Variants in KIR2DL1 observed in about 807,000 individuals in gnomAD.
The protein encoded by KIR2DL1 is killer cell immunoglobulin like receptor, two Ig domains and long cytoplasmic tail 1.
Under a neutral mutation model 33.9 loss-of-function variants are expected in KIR2DL1, and 38 were observed. That is an observed-to-expected ratio of 1.12 (90% CI 0.86 to 1.47). The LOEUF (loss-of-function observed/expected upper bound fraction) is 1.47, where lower values mean the gene tolerates loss of function less well. Ranked by LOEUF, KIR2DL1 falls within the 40% of genes most tolerant of loss-of-function variation. The pLI, the probability that KIR2DL1 is intolerant of heterozygous loss-of-function variation, is 0.00. For synonymous variants in KIR2DL1, 179 were observed against 165.9 expected (o/e 1.08, Z -0.61); for missense variants, 531 against 433.9 (o/e 1.22, Z -1.99).
intron 2 of KIR2DL1, among the ~76,000 whole-genome samples, chr19:54,772,277 T>C (rs12609943): frequency 0.2 from 28,886 of 145,720 alleles, 4,731 homozygotes; most frequent in Non-Finnish European, 0.29. Flanking sequence ...GGAGTCTCCA[T>C]CAGCTTTGAA....
chr19:54,779,078 G>A (rs1347770923), intron 5 of KIR2DL1, among the ~76,000 whole-genome samples: 1 of 147,236 alleles, frequency 6.8e-6, no homozygotes, highest in South Asian at 2.1e-4. Flanking sequence ...AGCAACCCTG[G>A]CTGACTCCGC....
chr19:54,778,714 A>G, intron 5 of KIR2DL1, 52 bp downstream of exon 5: 1 of 1,431,842 alleles, frequency 7.0e-7, no homozygotes, highest in Non-Finnish European at 9.6e-7. Flanking sequence ...GGAGGTGGGA[A>G]CCTTGGATTC....
At position 54,778,056 on chromosome 19, in the gene KIR2DL1, T is replaced by A. The variant is rs1268388992; in HGVS notation, c.665-556T>A. ...TGGGTGGATCACCTGAGGCCAGGAG[T>A]TCAAGATTAGTCTGGCCAACGTGAT... is the stretch of plus-strand genomic sequence containing the variant. On this transcript the variant is annotated intron_variant, in intron 4 of 7. Transcript: ENST00000336077. 1.4e-5 allele frequency among the ~76,000 whole-genome samples: 2 copies of A among 146,016 alleles called. 1 individual carries two copies. The highest frequency in any genetic ancestry group is 5.1e-5 in the African/African-American group (2 of 39,298).
At chr19:54,770,128 G>C (rs1304430329) in intron 1 of KIR2DL1, among the ~76,000 whole-genome samples, 1 of 138,194 alleles carries the variant, frequency 7.2e-6, no homozygotes, top group Admixed American at 7.3e-5. Flanking sequence ...AGTGGAGATA[G>C]GAACCTGGAG....
chr19:54,772,691 G>A (rs748147887), intron 2 of KIR2DL1, among the ~76,000 whole-genome samples: 2 of 144,242 alleles, frequency 1.4e-5, no homozygotes, highest in East Asian at 3.9e-4. Context: ...GGGCAAAGGA[G>A]TGAGACTCTG....
intron 4 of KIR2DL1, among the ~76,000 whole-genome samples, chr19:54,778,168 G>C (rs1417583437): frequency 6.7e-6 from 1 of 148,532 alleles, no homozygotes; most frequent in Non-Finnish European, 1.5e-5. Flanking sequence ...TTTGAGGCAA[G>C]AGAATGATTG....
At chr19:54,770,974 A>G in intron 2 of KIR2DL1, 90 bp downstream of exon 2, 1 of 1,514,966 alleles carries the variant, frequency 6.6e-7, no homozygotes, top group Non-Finnish European at 9.1e-7. Context: ...GGAGTCTCTC[A>G]TAAACTAGGA....
intron 3 of KIR2DL1, among the ~76,000 whole-genome samples, chr19:54,774,482 C>G (rs1171661125): frequency 6.8e-6 from 1 of 147,364 alleles, no homozygotes; most frequent in Non-Finnish European, 1.5e-5. Context: ...CTAGAGAGAC[C>G]GAGAGGCAGA....
At chr19:54,771,814 C>A (rs1162080363) in intron 2 of KIR2DL1, among the ~76,000 whole-genome samples, 1 of 147,872 alleles carries the variant, frequency 6.8e-6, no homozygotes, top group South Asian at 2.1e-4. Flanking sequence ...ACGCAGGGAC[C>A]TATACATGTC....
chr19:54,772,051 A>C (rs1005915056), intron 2 of KIR2DL1, among the ~76,000 whole-genome samples: 1 of 109,750 alleles, frequency 9.1e-6, no homozygotes, highest in Admixed American at 8.9e-5. Flanking sequence ...TGGGAAGAAT[A>C]ATTGTCCCCA....
Position 54,770,845 on chromosome 19 carries a change from C to T in KIR2DL1, c.35-4C>T, listed in dbSNP as rs376601941. On this transcript the variant is annotated splice_region_variant and splice_polypyrimidine_tract_variant and intron_variant, in intron 1 of 7. Transcript: ENST00000336077. ...GGGTCATCCATCATGATCTTTCTTT[C>T]CAGGGTTCTTCTTGCTGCAGGGGGC... 5.7e-5 allele frequency: 91 copies of T among 1,584,546 alleles called. 8 individuals are homozygous for T. The highest frequency in any genetic ancestry group is 6.7e-5 in the Non-Finnish European group (78 of 1,156,580).
intron 2 of KIR2DL1, among the ~76,000 whole-genome samples, chr19:54,772,555 G>T (rs549321541): frequency 6.9e-6 from 1 of 145,578 alleles, no homozygotes; most frequent in East Asian, 2.0e-4. Context: ...ACAACACAAG[G>T]ATAGCCAGGC....
At chr19:54,771,693 A>C (rs1437596424) in intron 2 of KIR2DL1, among the ~76,000 whole-genome samples, 2 of 147,998 alleles carry the variant, frequency 1.4e-5, no homozygotes, top group Non-Finnish European at 3.0e-5. Flanking sequence ...TGTCATTCTT[A>C]TCTTGGGTTT....
chr19:54,779,372 C>A (rs1313289960), intron 5 of KIR2DL1, among the ~76,000 whole-genome samples: 9 of 148,976 alleles, frequency 6.0e-5, no homozygotes, highest in Middle Eastern at 3.2e-3. Context: ...CTGCTTCTCA[C>A]TTGTCCCAGC....
At chr19:54,770,117 G>T (rs2075487807) in intron 1 of KIR2DL1, among the ~76,000 whole-genome samples, 1 of 146,406 alleles carries the variant, frequency 6.8e-6, no homozygotes, top group Non-Finnish European at 1.5e-5. Flanking sequence ...TCTGGGCCTG[G>T]AGTGGAGATA....
intron 2 of KIR2DL1, among the ~76,000 whole-genome samples, chr19:54,771,858 C>T (rs1416569529): frequency 2.0e-5 from 3 of 147,726 alleles, no homozygotes; most frequent in South Asian, 2.1e-4. Context: ...AGTGGGTGGT[C>T]GGCACCCAGC....
At chr19:54,772,906 G>C (rs2075909807) in intron 2 of KIR2DL1, among the ~76,000 whole-genome samples, 1 of 146,462 alleles carries the variant, frequency 6.8e-6, no homozygotes, top group East Asian at 2.0e-4. Flanking sequence ...ACCAGGAACA[G>C]GGTGTGTGGC....
chr19:54,775,179 C>A lies in KIR2DL1; in HGVS notation c.385C>A (p.Pro129Thr). Residue 129 changes from proline to threonine, a missense_variant, in exon 4 of 8, where the codon CCT (proline) becomes ACT (threonine). Transcript: ENST00000336077. Reference sequence around the variant, plus strand: ...TCTCCTTCCAGGTCTATATGAGAAACCTTCTCTCTCAGCCCAGCTGGGCCC... The same window carrying A: ...TCTCCTTCCAGGTCTATATGAGAAAACTTCTCTCTCAGCCCAGCTGGGCCC... Reference protein sequence around the residue: ...DIVIIGLYEKPSLSAQLGPTV... With the variant: ...DIVIIGLYEKTSLSAQLGPTV... 6.3e-7 allele frequency: 1 copy of A among 1,585,044 alleles called. No individual in the cohort carries two copies. Among genetic ancestry groups the A allele is most frequent in the Non-Finnish European group, 8.6e-7 (1 of 1,160,296 alleles).
intron 4 of KIR2DL1, among the ~76,000 whole-genome samples, chr19:54,775,920 C>T (rs1339405712): frequency 6.9e-6 from 1 of 144,508 alleles, no homozygotes; most frequent in Non-Finnish European, 1.5e-5. Context: ...GAGGTGGAGT[C>T]TAGCTCTGTC....
Sources: gnomAD v4.1 joint callset for allele counts (sites outside exome capture counted in the v4.1 genomes callset) on GRCh38, gnomAD v4.1.1 for gene constraint, MANE v1.5 for transcripts, NCBI Gene and HGNC (gene_info 2026-07-23, HGNC 2026-07-21) for gene names.